DHRSX: variants seen among roughly 807,000 people sequenced by gnomAD.
DHRSX encodes dehydrogenase/reductase X-linked.
A neutral mutation model predicts 34.0 loss-of-function variants in DHRSX; 31 were observed. The observed-to-expected ratio is 0.91, with a 90% CI of 0.69 to 1.23. The LOEUF (loss-of-function observed/expected upper bound fraction) is 1.23. Ranked by LOEUF, DHRSX falls within the 50% of genes most tolerant of loss-of-function variation. DHRSX has a pLI of 0.00. For synonymous variants in DHRSX, 201 were observed against 183.8 expected, an observed-to-expected ratio of 1.09 and a Z score of -0.76; for missense variants, 414 against 428.1, an observed-to-expected ratio of 0.97 and a Z score of 0.29.
chrX:2,403,523 C>T (rs1334902684), intron 3 of DHRSX, among the ~76,000 whole-genome samples: 5 of 152,208 alleles, frequency 3.3e-5, no homozygotes, highest in East Asian at 1.9e-4. Context: ...AACTGATGAT[C>T]GAATATCCTA....
At chrX:2,494,798 C>T (rs2045241690) in intron 1 of DHRSX, among the ~76,000 whole-genome samples, 1 of 151,782 alleles carries the variant, frequency 6.6e-6, no homozygotes, top group Admixed American at 6.6e-5. Flanking sequence ...GGTCCCAGTA[C>T]CTAGAAGAAA....
intron 1 of DHRSX, among the ~76,000 whole-genome samples, chrX:2,483,711 C>T (rs1228276061): frequency 1.3e-5 from 2 of 148,804 alleles, no homozygotes; most frequent in Middle Eastern, 3.3e-3. Flanking sequence ...CCAGAGTGTG[C>T]GATCTGAGCT....
chrX:2,460,512 G>C (rs2044388226), intron 1 of DHRSX, among the ~76,000 whole-genome samples: 1 of 151,700 alleles, frequency 6.6e-6, no homozygotes, highest in African/African-American at 2.4e-5. Flanking sequence ...CAGCCTCCTT[G>C]GGCTCAAGCG....
intron 3 of DHRSX, among the ~76,000 whole-genome samples, chrX:2,381,367 C>A (rs1027930731): frequency 6.6e-6 from 1 of 152,142 alleles, no homozygotes; most frequent in Non-Finnish European, 1.5e-5. Context: ...GGAAGCAGGT[C>A]CTCACCAGAC....
intron 1 of DHRSX, among the ~76,000 whole-genome samples, chrX:2,483,630 A>G (rs1357201490): frequency 6.6e-6 from 1 of 152,088 alleles, no homozygotes; most frequent in Non-Finnish European, 1.5e-5. Flanking sequence ...TTCTTTTGTG[A>G]TAATATTAAC....
chrX:2,473,537 T>C (rs997287972), intron 1 of DHRSX, among the ~76,000 whole-genome samples: 1 of 150,462 alleles, frequency 6.6e-6, no homozygotes, highest in African/African-American at 2.5e-5. Flanking sequence ...GCAGGAGAAT[T>C]GCTCGAACCT....
At chrX:2,363,506 A>T (rs62583740) in intron 3 of DHRSX, among the ~76,000 whole-genome samples, 1 of 118,000 alleles carries the variant, frequency 8.5e-6, no homozygotes, top group Non-Finnish European at 1.9e-5. Flanking sequence ...GTTCTATGGT[A>T]TCATGCCTCC....
At chrX:2,283,848 AT>A (rs1274078014) in intron 4 of DHRSX, among the ~76,000 whole-genome samples, 7 of 152,214 alleles carry the variant, frequency 4.6e-5, no homozygotes, top group African/African-American at 1.7e-4. Flanking sequence ...GAATTTATTC[AT>A]TTAAATTCAC....
intron 1 of DHRSX, among the ~76,000 whole-genome samples, chrX:2,480,281 A>G (rs1383703733): frequency 1.3e-5 from 2 of 150,844 alleles, no homozygotes; most frequent in Non-Finnish European, 2.9e-5. Flanking sequence ...CAAATACTGT[A>G]TCATCTCGTA....
chrX:2,250,397 C>A (rs1298678982), intron 5 of DHRSX, among the ~76,000 whole-genome samples: 2 of 151,994 alleles, frequency 1.3e-5, no homozygotes, highest in Non-Finnish European at 1.5e-5. Flanking sequence ...AATGTGTACT[C>A]CATAGATGGA....
chrX:2,479,769 T>G (rs1263680280), intron 1 of DHRSX, among the ~76,000 whole-genome samples: 2 of 149,758 alleles, frequency 1.3e-5, no homozygotes, highest in Non-Finnish European at 3.0e-5. Flanking sequence ...ATGTGGCCAA[T>G]GGACCACACT....
chrX:2,481,179 T>A (rs2044765192), intron 1 of DHRSX, among the ~76,000 whole-genome samples: 1 of 152,208 alleles, frequency 6.6e-6, no homozygotes, highest in Non-Finnish European at 1.5e-5. Flanking sequence ...CCTATATATG[T>A]ATACAATTAT....
intron 6 of DHRSX, among the ~76,000 whole-genome samples, chrX:2,241,708 T>C (rs2016144903): frequency 6.6e-6 from 1 of 152,028 alleles, no homozygotes; most frequent in Non-Finnish European, 1.5e-5. Context: ...CCAGAGTTCG[T>C]GACCAGCCTG....
chrX:2,294,664 C>CAAAAA (rs780753194), intron 3 of DHRSX, among the ~76,000 whole-genome samples: 1 of 129,192 alleles, frequency 7.7e-6, no homozygotes, highest in Non-Finnish European at 1.6e-5. Context: ...GACTCTGTCT[C>CAAAAA]AAAAAAAAAA....
At chrX:2,446,509 G>T (rs78416973) in intron 1 of DHRSX, among the ~76,000 whole-genome samples, 1 of 108,488 alleles carries the variant, frequency 9.2e-6, no homozygotes, top group African/African-American at 4.1e-5. Flanking sequence ...ACACACTGAA[G>T]ATGGTCCCTA....
At chrX:2,429,306 A>C (rs181096832) in intron 1 of DHRSX, among the ~76,000 whole-genome samples, 172 of 152,228 alleles carry the variant, frequency 1.1e-3, no homozygotes, top group Admixed American at 2.1e-3. Flanking sequence ...GTATGTATAC[A>C]TGTGTGTCTG....
intron 3 of DHRSX, among the ~76,000 whole-genome samples, chrX:2,311,606 A>G (rs1216733887): frequency 6.6e-6 from 1 of 152,184 alleles, no homozygotes; most frequent in African/African-American, 2.4e-5. Context: ...TTGTGTAAGT[A>G]AAGAGGAAAG....
intron 4 of DHRSX, among the ~76,000 whole-genome samples, chrX:2,289,656 C>T (rs1348927412): frequency 2.6e-5 from 4 of 151,946 alleles, no homozygotes; most frequent in Non-Finnish European, 5.9e-5. Flanking sequence ...GTAGGATCTC[C>T]ACAGTGCCTC....
In DHRSX at chrX:2,248,613, C is replaced by CAAAAAAAAA. The variant is rs1357827255; in HGVS notation, c.597-5392_597-5384dup. Among the ~76,000 whole-genome samples, 50 of 17,490 alleles carry CAAAAAAAAA rather than the reference C, an allele frequency of 2.9e-3. 1 individual carries two copies. Among genetic ancestry groups the CAAAAAAAAA allele is most frequent in the African/African-American group, 6.8e-3 (49 of 7,182 alleles). The allele number at this position is 17,490 out of a possible 152,430, so 11.5% of individuals were successfully genotyped here. On this transcript the variant is annotated intron_variant, in intron 5 of 6. Coordinates refer to ENST00000334651, the MANE Select transcript of DHRSX (RefSeq NM_145177.3). Reference sequence around the variant, plus strand: ...GGGCGACAAGAGCAAGACTCTGTCTCAAAAAAAAAAAAAGAAAAAGAAAAG... The same window carrying CAAAAAAAAA: ...GGGCGACAAGAGCAAGACTCTGTCTCAAAAAAAAAAAAAAAAAAAAAAGAAAAAGAAAAG...
Sources: allele counts gnomAD v4.1 joint callset (sites outside exome capture counted in the v4.1 genomes callset), GRCh38; gene constraint gnomAD v4.1.1; transcripts MANE v1.5; gene names NCBI Gene and HGNC (gene_info 2026-07-23, HGNC 2026-07-21).